The following USP35 variants were observed in gnomAD, a reference collection of about 807,000 sequenced individuals.
USP35 encodes the protein ubiquitin carboxyl-terminal hydrolase 35.
In USP35, 69 loss-of-function variants were observed where a neutral mutation model predicts 83.8. That is an observed-to-expected ratio of 0.82 (90% CI 0.68 to 1.01). The LOEUF (loss-of-function observed/expected upper bound fraction) is 1.01, where lower values mean the gene tolerates loss of function less well. Among genes scored for constraint, USP35 ranks in the 50% least tolerant of loss-of-function variants. USP35 has a pLI of 0.00. For missense variants in USP35, 1,503 were observed against 1,362.5 expected (o/e 1.10, Z -1.62); for synonymous variants, 714 against 589.5 (o/e 1.21, Z -3.06).
the USP35 span, chr11:78,231,910 T>G: frequency 6.6e-6 from 1 of 152,226 alleles, no homozygotes; most frequent in African/African-American, 2.4e-5. Context: ...TCACTGGCCA[T>G]GTTTAAGAGG....
At chr11:78,213,592 C>G (rs1046342994) in intron 10 of USP35, 54 bp from the exon 11 acceptor site, 1 of 1,433,236 alleles carries the variant, frequency 7.0e-7, no homozygotes, top group South Asian at 1.7e-5. Context: ...TAGACTCACT[C>G]TGGCTTCAGG....
chr11:78,193,317 A>G (rs1336815946), intron 1 of USP35, among the ~76,000 whole-genome samples: 1 of 151,886 alleles, frequency 6.6e-6, no homozygotes, highest in African/African-American at 2.4e-5. Context: ...TCTCAGCCCC[A>G]ACTAGCTGGG....
intron 6 of USP35, among the ~76,000 whole-genome samples, chr11:78,203,780 G>A (rs1449728692): frequency 6.6e-6 from 1 of 150,978 alleles, no homozygotes; most frequent in Non-Finnish European, 1.5e-5. Context: ...GGGTTTCACT[G>A]TGTTAGCCAG....
the USP35 span, chr11:78,220,552 G>T: frequency 1.1e-6 from 1 of 888,018 alleles, no homozygotes; most frequent in South Asian, 1.8e-5. Flanking sequence ...GCCCTACTCT[G>T]ACACATGCAC....
chr11:78,210,298 C>G lies in USP35; in HGVS notation c.2443C>G (p.Leu815Val), dbSNP rs508199. Reference protein sequence around the residue: ...ILTLLRFSFDLRTMRRRKILD... With the variant: ...ILTLLRFSFDVRTMRRRKILD... ...CACACTGCTGCGCTTCTCTTTCGACCTGCGCACCATGCGGCGCCGCAAGAT... is the reference window on the plus strand; with the variant it reads ...CACACTGCTGCGCTTCTCTTTCGACGTGCGCACCATGCGGCGCCGCAAGAT... The change falls in exon 10 of 11, where the codon CTG becomes GTG. Residue 815 changes from leucine (L) to valine (V), a missense_variant. Leu to Val is a conservative substitution (Grantham distance 32). Transcript: ENST00000529308. The G allele has an allele frequency of 6.2e-7, 1 of 1,614,004 alleles. No individual in the cohort carries two copies. Among genetic ancestry groups the G allele is most frequent in the Non-Finnish European group, 8.5e-7 (1 of 1,180,022 alleles).
At chr11:78,200,035 G>T in intron 4 of USP35, 98 bp from the exon 5 acceptor site, 3 of 1,336,772 alleles carry the variant, frequency 2.2e-6, no homozygotes, top group South Asian at 2.4e-5. Context: ...GCATGGGTTT[G>T]AACTCTAGGG....
chr11:78,219,137 G>A (rs1191424910), downstream of USP35: 12 of 821,394 alleles, frequency 1.5e-5, no homozygotes, highest in Admixed American at 5.0e-5. Flanking sequence ...GGTCCCTGAT[G>A]TCAAGTGCTT....
At chr11:78,225,653 T>C in the USP35 span, among the ~76,000 whole-genome samples, 1 of 152,238 alleles carries the variant, frequency 6.6e-6, no homozygotes, top group African/African-American at 2.4e-5. Flanking sequence ...ACTGCTCAAA[T>C]TGTCGATGGA....
Position 78,200,670 on chromosome 11 carries a change from C to CA in USP35, c.1060dup (p.Met354AsnfsTer39). On this transcript the variant is annotated frameshift_variant, in exon 6 of 11. Coordinates refer to ENST00000529308, the MANE Select transcript of USP35 (RefSeq NM_020798.4). LOFTEE classifies it high-confidence loss of function. ...CACAGCTCCTCCCTCACATCCCCCC[C>CA]ATGGTGGCCTCTCTGGTCAAGGAGG... 1 of 1,612,530 alleles carries CA rather than the reference C, an allele frequency of 6.2e-7. No homozygotes were observed. The highest frequency in any genetic ancestry group is 8.5e-7 in the Non-Finnish European group (1 of 1,179,106).
chr11:78,223,320 C>T, the USP35 span: 1 of 1,084,238 alleles, frequency 9.2e-7, no homozygotes, highest in Non-Finnish European at 1.3e-6. Context: ...CAAGTCACAC[C>T]TCTCAAGTCC....
Position 78,209,963 on chromosome 11 carries a change from A to AAGG in USP35, c.2111_2113dup (p.Gly704dup). ...GAGGAGGAGGAAAGCACCAGAGGGG[A>AAGG]AGGAGAGAGGGAGAAAGAGGAGGAG... On this transcript the variant is annotated inframe_insertion, in exon 10 of 11. Transcript: ENST00000529308. 1 of 1,611,360 alleles carries AAGG rather than the reference A, an allele frequency of 6.2e-7. No individual in the cohort carries two copies. Among genetic ancestry groups the AAGG allele is most frequent in the Non-Finnish European group, 8.5e-7 (1 of 1,178,766 alleles).
chr11:78,232,047 G>A, the USP35 span: 2 of 152,216 alleles, frequency 1.3e-5, no homozygotes, highest in African/African-American at 4.8e-5. Flanking sequence ...TCTGGCTGCA[G>A]TTCTGAGCCA....
intron 10 of USP35, 86 bp downstream of exon 10, chr11:78,210,830 C>CT (rs1863743556): frequency 2.2e-6 from 3 of 1,377,148 alleles, no homozygotes; most frequent in South Asian, 1.5e-5. Flanking sequence ...CATTTCCCCT[C>CT]TAAGTCTTTT....
chr11:78,215,595 AAC>A (rs1864083826), downstream of USP35: 1 of 152,388 alleles, frequency 6.6e-6, no homozygotes, highest in Non-Finnish European at 1.5e-5. Flanking sequence ...CTTCCTGACA[AAC>A]AGTGACAATT....
intron 10 of USP35, among the ~76,000 whole-genome samples, chr11:78,210,963 C>T (rs374185041): frequency 6.6e-6 from 1 of 152,162 alleles, no homozygotes; most frequent in Non-Finnish European, 1.5e-5. Context: ...TTTTTAAGTT[C>T]CAGGGTACAT....
At position 78,213,913 on chromosome 11, in the gene USP35, C is replaced by T. The variant is rs921242168; in HGVS notation, c.*100C>T. On this transcript the variant is annotated 3_prime_UTR_variant, in exon 11 of 11. Coordinates refer to ENST00000529308, the MANE Select transcript of USP35 (RefSeq NM_020798.4). Reference sequence around the variant, plus strand: ...CCTACCAAGAGGAAGGATGGTACAGCTCATGGCACCTTAGTCCTCAGCCTG... The same window carrying T: ...CCTACCAAGAGGAAGGATGGTACAGTTCATGGCACCTTAGTCCTCAGCCTG... The T allele has an allele frequency of 1.5e-6, 2 of 1,343,930 alleles. No homozygotes were observed. Among genetic ancestry groups the T allele is most frequent in the Admixed American group, 6.3e-5 (2 of 31,794 alleles). 83.3% of individuals were successfully genotyped at this position (1,343,930 alleles called of 1,614,324 possible).
chr11:78,201,265 A>G (rs1390655612), intron 6 of USP35, among the ~76,000 whole-genome samples: 1 of 152,048 alleles, frequency 6.6e-6, no homozygotes, highest in Non-Finnish European at 1.5e-5. Flanking sequence ...GTCACATGTT[A>G]TCACTGTCTG....
At chr11:78,193,919 C>T (rs1282600437) in intron 1 of USP35, among the ~76,000 whole-genome samples, 20 of 152,230 alleles carry the variant, frequency 1.3e-4, no homozygotes, top group Admixed American at 1.3e-3. Flanking sequence ...CACCCTTGAC[C>T]TCCTGGGCTC....
downstream of USP35, chr11:78,215,775 C>G (rs1051853882): frequency 2.6e-5 from 4 of 152,528 alleles, no homozygotes; most frequent in Non-Finnish European, 4.4e-5. Context: ...GACGACCCCC[C>G]ACGGAAGGGC....
Sources: gnomAD v4.1 joint callset for allele counts (sites outside exome capture counted in the v4.1 genomes callset) on GRCh38, gnomAD v4.1.1 for gene constraint, MANE v1.5 for transcripts, NCBI Gene and HGNC (gene_info 2026-07-23, HGNC 2026-07-21) for gene names.